WDR45B: variants seen among roughly 807,000 people sequenced by gnomAD.
The protein encoded by WDR45B is WD repeat domain phosphoinositide-interacting protein 3.
Under a neutral mutation model 44.6 loss-of-function variants are expected in WDR45B, and 20 were observed. That is an observed-to-expected ratio of 0.45 (90% CI 0.32 to 0.65). The LOEUF is 0.65. Ranked by LOEUF, WDR45B falls within the 30% of genes least tolerant of loss-of-function variation. WDR45B has a pLI of 0.05. For missense variants in WDR45B, 323 were observed against 430.2 expected (o/e 0.75, Z 2.20); for synonymous variants, 169 against 164.9 (o/e 1.02, Z -0.19).
At chr17:82,630,195 T>C (rs950631883) in intron 3 of WDR45B, among the ~76,000 whole-genome samples, 3 of 152,164 alleles carry the variant, frequency 2.0e-5, no homozygotes, top group Non-Finnish European at 4.4e-5. Context: ...ATGCACTGCA[T>C]CTAGACCAGA....
intron 2 of WDR45B, among the ~76,000 whole-genome samples, chr17:82,637,815 G>GA: frequency 6.6e-6 from 1 of 151,984 alleles, no homozygotes; most frequent in Non-Finnish European, 1.5e-5. Context: ...GAAGCTTCAT[G>GA]ATATCAGCAT....
At position 82,615,530 on chromosome 17, in the gene WDR45B, A is replaced by C. The variant is rs1157473913; in HGVS notation, c.*389T>G. On this transcript the variant is annotated 3_prime_UTR_variant, in exon 10 of 10. Coordinates refer to ENST00000392325, the MANE Select transcript of WDR45B (RefSeq NM_019613.4). Reference sequence around the variant, plus strand: ...TTGTTCACTCCCCCGCTGCAGACTCAGTAAGAACGACGGAATCTGCTGCAA... The same window carrying C: ...TTGTTCACTCCCCCGCTGCAGACTCCGTAAGAACGACGGAATCTGCTGCAA... 3.3e-6 allele frequency: 1 copy of C among 300,934 alleles called. No individual in the cohort carries two copies. Among genetic ancestry groups the C allele is most frequent in the African/African-American group, 2.2e-5 (1 of 46,468 alleles). The allele number at this position is 300,934 out of a possible 1,614,324, so 18.6% of individuals were successfully genotyped here.
At chr17:82,626,766 A>C in intron 4 of WDR45B, 1 of 246,680 alleles carries the variant, frequency 4.1e-6, no homozygotes, top group Non-Finnish European at 8.0e-6. Flanking sequence ...GGCTGACAGA[A>C]CCACCTGCTA....
At chr17:82,621,822 A>G in intron 5 of WDR45B, 23 bp from the exon 6 acceptor site, 1 of 1,613,344 alleles carries the variant, frequency 6.2e-7, no homozygotes, top group Non-Finnish European at 8.5e-7. Flanking sequence ...AGAGGACACC[A>G]ATCAAGAACT....
chr17:82,637,373 C>A (rs931642526), intron 2 of WDR45B, among the ~76,000 whole-genome samples: 3 of 151,988 alleles, frequency 2.0e-5, no homozygotes, highest in African/African-American at 7.3e-5. Context: ...ACCCTCTCCT[C>A]TAATCATGGT....
chr17:82,637,238 C>T (rs750968913), intron 2 of WDR45B, among the ~76,000 whole-genome samples: 1 of 151,966 alleles, frequency 6.6e-6, no homozygotes, highest in Non-Finnish European at 1.5e-5. Context: ...CCCTGGCGGT[C>T]GGACTTGTCT....
chr17:82,627,401 T>C, intron 3 of WDR45B, 110 bp from the exon 4 acceptor site: 1 of 900,558 alleles, frequency 1.1e-6, no homozygotes, highest in Non-Finnish European at 1.8e-6. Flanking sequence ...CTGGCACAGC[T>C]GCGCCCACCC....
At chr17:82,628,212 C>T (rs779235719) in intron 3 of WDR45B, among the ~76,000 whole-genome samples, 4 of 152,118 alleles carry the variant, frequency 2.6e-5, no homozygotes, top group Non-Finnish European at 4.4e-5. Context: ...AGGCTGGTCT[C>T]GAACTTCTGG....
In WDR45B at chr17:82,630,997, A is replaced by G. The variant is rs757414777; in HGVS notation, c.168T>C (p.His56=). 1 of 1,614,018 alleles carries G rather than the reference A, an allele frequency of 6.2e-7. No homozygotes were observed. The highest frequency in any genetic ancestry group is 8.5e-7 in the Non-Finnish European group (1 of 1,180,016). The part of the protein sequence containing the change: ...KQEFLEGGVG[H]VEMLFRCNYL... ...AGTTGCAGCGAAATAACATTTCAAC[A>G]TGGCCAACTCCTCCTTCTAGAAATT... The change falls in exon 3 of 10, where the codon CAT becomes CAC. Residue 56 remains histidine (H), a synonymous_variant. Coordinates refer to ENST00000392325, the MANE Select transcript of WDR45B (RefSeq NM_019613.4).
chr17:82,640,755 C>A (rs2045903644), intron 2 of WDR45B, among the ~76,000 whole-genome samples: 1 of 152,136 alleles, frequency 6.6e-6, no homozygotes, highest in Admixed American at 6.5e-5. Flanking sequence ...GTATCCATTT[C>A]ACATTAGGGC....
intron 1 of WDR45B, 97 bp from the exon 2 acceptor site, chr17:82,644,120 A>G (rs1289620594): frequency 4.4e-6 from 5 of 1,137,612 alleles, no homozygotes; most frequent in Non-Finnish European, 5.2e-6. Flanking sequence ...ACTCTTGCAG[A>G]TGCTCAAACC....
At chr17:82,634,150 CA>C (rs36183298) in intron 2 of WDR45B, among the ~76,000 whole-genome samples, 7,715 of 31,242 alleles carry the variant, frequency 0.25, 89 homozygotes, top group South Asian at 0.36. Flanking sequence ...GACTCCATCT[CA>C]AAAAAAAAAA....
At chr17:82,640,047 G>C (rs2045893606) in intron 2 of WDR45B, among the ~76,000 whole-genome samples, 1 of 152,128 alleles carries the variant, frequency 6.6e-6, no homozygotes, top group Non-Finnish European at 1.5e-5. Flanking sequence ...ACCTATGTCG[G>C]GGAGCAGGGT....
rs1479251047 is a variant in WDR45B, at chr17:82,616,655, C to CA, written c.807-11dup. 1 of 1,613,910 alleles carries CA rather than the reference C, an allele frequency of 6.2e-7. No homozygotes were observed. The highest frequency in any genetic ancestry group is 8.5e-7 in the Non-Finnish European group (1 of 1,179,960). ...ACTGGCTGAGGCCAAACTGTGAAGA[C>CA]AAGAAAAGAAAGGGTGGTTCAAAGT... On this transcript the variant is annotated splice_polypyrimidine_tract_variant and intron_variant, in intron 8 of 9. Coordinates refer to ENST00000392325, the MANE Select transcript of WDR45B (RefSeq NM_019613.4).
chr17:82,624,744 A>G (rs915729077), intron 5 of WDR45B, among the ~76,000 whole-genome samples: 4 of 151,040 alleles, frequency 2.6e-5, no homozygotes, highest in Non-Finnish European at 5.9e-5. Context: ...TCAGCCTCCC[A>G]AGTAGCTGGG....
At chr17:82,625,875 CATTATT>C (rs1347508077) in intron 4 of WDR45B, 2 of 265,384 alleles carry the variant, frequency 7.5e-6, no homozygotes, top group Admixed American at 1.0e-4. Flanking sequence ...CAAGCGTTTG[CATTATT>C]ATTATTATTA....
At chr17:82,628,104 C>G (rs1312189128) in intron 3 of WDR45B, among the ~76,000 whole-genome samples, 1 of 152,146 alleles carries the variant, frequency 6.6e-6, no homozygotes, top group African/African-American at 2.4e-5. Context: ...GAGATTCTCC[C>G]ACGTCAGCTT....
intron 3 of WDR45B, among the ~76,000 whole-genome samples, chr17:82,629,191 T>G (rs547520455): frequency 6.6e-6 from 1 of 152,330 alleles, no homozygotes; most frequent in East Asian, 1.9e-4. Flanking sequence ...AATGGCTCCC[T>G]TGTTAGCACC....
chr17:82,640,154 T>C (rs1237296659), intron 2 of WDR45B, among the ~76,000 whole-genome samples: 1 of 152,056 alleles, frequency 6.6e-6, no homozygotes, highest in Non-Finnish European at 1.5e-5. Context: ...GCAGAAGGCG[T>C]ATCTGGAAAC....
Sources: gnomAD v4.1 joint callset for allele counts (sites outside exome capture counted in the v4.1 genomes callset) on GRCh38, gnomAD v4.1.1 for gene constraint, MANE v1.5 for transcripts, NCBI Gene and HGNC (gene_info 2026-07-23, HGNC 2026-07-21) for gene names.